ADGRL2: variants seen among roughly 807,000 people sequenced by gnomAD.
ADGRL2 encodes calcium-independent alpha-latrotoxin receptor 2.
Under a neutral mutation model 157.4 loss-of-function variants are expected in ADGRL2, and 44 were observed. That is an observed-to-expected ratio of 0.28 (90% CI 0.22 to 0.36). The LOEUF is 0.36. Among genes scored for constraint, ADGRL2 ranks in the 10% least tolerant of loss-of-function variants. The pLI, the probability that ADGRL2 is intolerant of heterozygous loss-of-function variation, is 1.00. For synonymous variants in ADGRL2, 585 were observed against 624.7 expected (o/e 0.94, Z 0.95); for missense variants, 1,510 against 1,768.9 (o/e 0.85, Z 2.63).
At chr1:81,754,997 A>G (rs2085634938) in intron 1 of ADGRL2, among the ~76,000 whole-genome samples, 1 of 151,838 alleles carries the variant, frequency 6.6e-6, no homozygotes, top group African/African-American at 2.4e-5. Flanking sequence ...AAGCAAAAAT[A>G]TAAGCTACAC....
intron 1 of ADGRL2, among the ~76,000 whole-genome samples, chr1:81,317,864 A>C (rs1434813265): frequency 6.6e-6 from 1 of 152,174 alleles, no homozygotes; most frequent in African/African-American, 2.4e-5. Flanking sequence ...TTATATGTTT[A>C]TGAAACATGG....
intron 18 of ADGRL2, among the ~76,000 whole-genome samples, chr1:81,980,462 G>A (rs546858845): frequency 6.6e-6 from 1 of 151,694 alleles, no homozygotes; most frequent in African/African-American, 2.4e-5. Context: ...TCTGTCAATG[G>A]AGAAAATGCT....
chr1:81,451,767 A>G (rs2077706879), intron 2 of ADGRL2, among the ~76,000 whole-genome samples: 1 of 152,206 alleles, frequency 6.6e-6, no homozygotes, highest in Non-Finnish European at 1.5e-5. Flanking sequence ...CAACTCTTGA[A>G]TAATTCTTCT....
upstream of ADGRL2, among the ~76,000 whole-genome samples, chr1:81,798,126 A>G (rs1180182519): frequency 6.6e-6 from 1 of 151,858 alleles, no homozygotes; most frequent in East Asian, 1.9e-4. Context: ...ACACATCTGT[A>G]GATATTATTA....
chr1:81,346,937 G>A (rs949030066), intron 1 of ADGRL2, among the ~76,000 whole-genome samples: 1 of 152,104 alleles, frequency 6.6e-6, no homozygotes, highest in Non-Finnish European at 1.5e-5. Flanking sequence ...GAGTTTTGAG[G>A]TGCATGCAAG....
intron 2 of ADGRL2, among the ~76,000 whole-genome samples, chr1:81,455,834 A>G (rs2101768086): frequency 6.6e-6 from 1 of 152,298 alleles, no homozygotes; most frequent in Middle Eastern, 3.4e-3. Context: ...AAAGACTGGA[A>G]ATAGGAAAGG....
intron 1 of ADGRL2, among the ~76,000 whole-genome samples, chr1:81,394,876 CTTTTTTATTTATTTAT>C (rs1216109765): frequency 6.8e-6 from 1 of 146,070 alleles, no homozygotes; most frequent in Non-Finnish European, 1.5e-5. Flanking sequence ...TTTTGTCTCT[CTTTTTTATTTATTTAT>C]TTATTTATTT....
intron 1 of ADGRL2, among the ~76,000 whole-genome samples, chr1:81,318,749 T>C (rs1660281171): frequency 6.6e-6 from 1 of 152,016 alleles, no homozygotes; most frequent in Admixed American, 6.6e-5. Context: ...AAAGAGATCC[T>C]GTTTTATGTT....
intron 18 of ADGRL2, 99 bp from the exon 19 acceptor site, chr1:81,981,709 A>C: frequency 4.3e-6 from 4 of 940,882 alleles, no homozygotes; most frequent in South Asian, 1.6e-5. Context: ...ATGTGAACAT[A>C]GAGAAAGTCA....
chr1:81,721,839 C>T, intron 1 of ADGRL2: 1 of 907,944 alleles, frequency 1.1e-6, no homozygotes. Context: ...AAAGCTAAAT[C>T]TGAAGAAAAT....
At chr1:81,790,993 G>A (rs1247670928) in intron 2 of ADGRL2, among the ~76,000 whole-genome samples, 1 of 149,498 alleles carries the variant, frequency 6.7e-6, no homozygotes, top group African/African-American at 2.5e-5. Flanking sequence ...TTGAGCCCAG[G>A]GAGGTGGAGG....
intron 1 of ADGRL2, among the ~76,000 whole-genome samples, chr1:81,324,060 A>C (rs1660715506): frequency 6.6e-6 from 1 of 152,086 alleles, no homozygotes; most frequent in Non-Finnish European, 1.5e-5. Flanking sequence ...TTGCAAAGAT[A>C]CCTCTGGTTT....
upstream of ADGRL2, among the ~76,000 whole-genome samples, chr1:81,798,713 A>G (rs373718434): frequency 1.9e-4 from 29 of 152,322 alleles, no homozygotes; most frequent in East Asian, 4.0e-3. Flanking sequence ...CAAATATATC[A>G]TGCAGATAGA....
At position 81,369,617 on chromosome 1, in the gene ADGRL2, C is replaced by G. The variant is rs780844345; in HGVS notation, c.-302+63108C>G. Among the ~76,000 whole-genome samples, 5 of 152,152 alleles carry G rather than the reference C, an allele frequency of 3.3e-5. No homozygotes were observed. The South Asian group carries it at 1.0e-3, about 32-fold the overall frequency. Reference sequence around the variant, plus strand: ...CCGAATGGATGACCTTATTCTGAAGCGACTGGCTCATTTGAAAGGCCATGT... The same window carrying G: ...CCGAATGGATGACCTTATTCTGAAGGGACTGGCTCATTTGAAAGGCCATGT... On this transcript the variant is annotated intron_variant, in intron 1 of 24. Transcript: ENST00000370721.
chr1:81,966,356 T>G (rs758100595), intron 12 of ADGRL2, 48 bp from the exon 13 acceptor site: 1 of 1,564,662 alleles, frequency 6.4e-7, no homozygotes, highest in South Asian at 1.1e-5. Flanking sequence ...CTTAGTTTAT[T>G]AACAAGCATG....
At position 81,673,660 on chromosome 1, in the gene ADGRL2, G is replaced by A. The variant is rs190018293; in HGVS notation, c.-142-88151G>A. ...CTCCCAAGGAGCTGGGACTACAGGC[G>A]CCCACCACCACGCCCAGCTAATTTT... On this transcript the variant is annotated intron_variant, in intron 3 of 24. Coordinates refer to the ADGRL2 transcript ENST00000370721. Among the ~76,000 whole-genome samples, 180 of 151,788 alleles carry A rather than the reference G, an allele frequency of 1.2e-3. No individual in the cohort carries two copies. In the East Asian group the frequency reaches 0.015, roughly 13 times the overall value.
In ADGRL2 at chr1:81,625,454, C is replaced by T. The variant is rs564341233; in HGVS notation, c.-143+44474C>T. Among the ~76,000 whole-genome samples, 47 of 152,138 alleles carry T rather than the reference C, an allele frequency of 3.1e-4. 2 individuals are homozygous for T. In the South Asian group the frequency reaches 9.1e-3, roughly 30 times the overall value. ...TCTTCCTTATATGTTTTTTCTTCCT[C>T]GAGTTAATGGATAAAGAAAAGTTGT... On this transcript the variant is annotated intron_variant, in intron 3 of 24. Transcript: ENST00000370721.
At chr1:81,915,888 T>C (rs1229857170) in intron 3 of ADGRL2, among the ~76,000 whole-genome samples, 1 of 152,162 alleles carries the variant, frequency 6.6e-6, no homozygotes, top group Admixed American at 6.6e-5. Flanking sequence ...TTAGGGATTA[T>C]TATGTATTCC....
intron 1 of ADGRL2, among the ~76,000 whole-genome samples, chr1:81,372,736 T>G (rs1424798149): frequency 6.6e-6 from 1 of 152,190 alleles, no homozygotes; most frequent in African/African-American, 2.4e-5. Context: ...TAGAGAGAAT[T>G]TTCCTTTCTG....
Sources: gnomAD v4.1 joint callset for allele counts (sites outside exome capture counted in the v4.1 genomes callset) on GRCh38, gnomAD v4.1.1 for gene constraint, MANE v1.5 for transcripts, NCBI Gene and HGNC (gene_info 2026-07-23, HGNC 2026-07-21) for gene names.